Variants in CACNA1D observed in about 807,000 individuals in gnomAD.
CACNA1D encodes the protein calcium voltage-gated channel subunit alpha1 D.
A neutral mutation model predicts 257.1 loss-of-function variants in CACNA1D; 55 were observed. The ratio of observed to expected loss-of-function variants is 0.21; its 90% CI spans 0.17 to 0.27. CACNA1D has a LOEUF of 0.27. Ranked by LOEUF, CACNA1D falls within the 10% of genes least tolerant of loss-of-function variation. The probability of loss-of-function intolerance (pLI) is 1.00; values close to 1 mark genes in which losing one functional copy is unlikely to be tolerated. For missense variants in CACNA1D, 1,876 were observed against 2,784.0 expected, an observed-to-expected ratio of 0.67 and a Z score of 7.34; for synonymous variants, 980 against 1,014.9, an observed-to-expected ratio of 0.97 and a Z score of 0.65.
At position 53,812,430 on chromosome 3, in the gene CACNA1D, T is replaced by TGAG. The variant is rs975463351; in HGVS notation, c.*1025_*1027dup. 6.6e-6 allele frequency: 1 copy of TGAG among 152,240 alleles called. No individual in the cohort carries two copies. The highest frequency in any genetic ancestry group is 2.4e-5 in the African/African-American group (1 of 41,456). 9.4% of individuals were successfully genotyped at this position (152,240 alleles called of 1,614,324 possible). On this transcript the variant is annotated 3_prime_UTR_variant, in exon 48 of 48. Transcript: ENST00000350061. ...CTACAGAAATTTTTCTAAAATATTT[T>TGAG]GAGTCACTATAAACCTATCATCTTT...
chr3:53,754,518 A>T (rs867599477), intron 29 of CACNA1D, among the ~76,000 whole-genome samples: 1 of 152,240 alleles, frequency 6.6e-6, no homozygotes, highest in Non-Finnish European at 1.5e-5. Context: ...AAGAGTTCCC[A>T]TATACGCACT....
At chr3:53,757,121 G>A (rs547338326) in intron 29 of CACNA1D, among the ~76,000 whole-genome samples, 8 of 152,260 alleles carry the variant, frequency 5.3e-5, no homozygotes, top group African/African-American at 1.9e-4. Flanking sequence ...GCCTTCAAGG[G>A]CTCTGTTCGC....
intron 9 of CACNA1D, among the ~76,000 whole-genome samples, chr3:53,709,305 G>A (rs1399284723): frequency 2.0e-5 from 3 of 152,166 alleles, no homozygotes; most frequent in African/African-American, 7.2e-5. Flanking sequence ...TGACAGATGG[G>A]GAAACTAAAG....
At position 53,800,517 on chromosome 3, in the gene CACNA1D, A is replaced by G. The variant is rs2095530995; in HGVS notation, c.5040+152A>G. ...TTTCAGACCACACCCTCCCCCTCTT[A>G]CAGACCCTCCCCAGGCATCAGCACC... On this transcript the variant is annotated intron_variant, in intron 41 of 47. Transcript: ENST00000350061. The surrounding 1 kb of genome is among the most constrained non-coding windows in gnomAD (Gnocchi z 4.3). 1 of 736,136 alleles carries G rather than the reference A, an allele frequency of 1.4e-6. No homozygotes were observed. The allele number at this position is 736,136 out of a possible 1,614,324, so 45.6% of individuals were successfully genotyped here.
chr3:53,810,750 T>A, intron 47 of CACNA1D, among the ~76,000 whole-genome samples: 1 of 91,480 alleles, frequency 1.1e-5, no homozygotes, highest in Non-Finnish European at 1.9e-5. Context: ...AGAGCGAGAC[T>A]CTTGTCTCAA....
chr3:53,674,004 A>C (rs570628255), intron 8 of CACNA1D: 1 of 668,660 alleles, frequency 1.5e-6, no homozygotes, highest in African/African-American at 1.8e-5. Flanking sequence ...CGTGTTTCCA[A>C]TGCTTGCCAA....
chr3:53,629,234 G>A (rs556680881), intron 3 of CACNA1D, among the ~76,000 whole-genome samples: 9 of 152,340 alleles, frequency 5.9e-5, no homozygotes, highest in Admixed American at 2.0e-4. Flanking sequence ...CAAGTTTCGA[G>A]TTGTCACCGA....
chr3:53,809,895 C>G, intron 46 of CACNA1D, 83 bp from the exon 47 acceptor site: 1 of 1,315,194 alleles, frequency 7.6e-7, no homozygotes, highest in Non-Finnish European at 1.1e-6. Context: ...GAGCGCAGCG[C>G]CGGTGCTTGG....
At chr3:53,743,374 G>A (rs1428977440) in intron 22 of CACNA1D, among the ~76,000 whole-genome samples, 7 of 152,192 alleles carry the variant, frequency 4.6e-5, no homozygotes, top group African/African-American at 7.2e-5. Context: ...GGTGAAAGAA[G>A]TGTTGACTAG....
chr3:53,641,159 C>T (rs2093945792), intron 3 of CACNA1D, among the ~76,000 whole-genome samples: 1 of 152,138 alleles, frequency 6.6e-6, no homozygotes, highest in Admixed American at 6.5e-5. Flanking sequence ...GGGCACTGTC[C>T]TCGCTGGACC....
At chr3:53,505,253 C>A (rs559089429) in intron 3 of CACNA1D, among the ~76,000 whole-genome samples, 1 of 151,262 alleles carries the variant, frequency 6.6e-6, no homozygotes, top group East Asian at 1.9e-4. Flanking sequence ...GGACTACAGA[C>A]GAGCGCCAAC....
chr3:53,564,384 C>T lies in CACNA1D; in HGVS notation c.483+62664C>T, dbSNP rs147060649. Among the ~76,000 whole-genome samples, 807 of 152,266 alleles carry T rather than the reference C, an allele frequency of 5.3e-3. 11 individuals are homozygous for T. Among genetic ancestry groups the T allele is most frequent in the African/African-American group, 0.019 (774 of 41,546 alleles). On this transcript the variant is annotated intron_variant, in intron 3 of 47. Transcript: ENST00000350061. ...CCATGTTGGCCAGGCTGGTCTCGAACTCCTGACCTCAAGTGATCTGCCCAC... is the reference window on the plus strand; with the variant it reads ...CCATGTTGGCCAGGCTGGTCTCGAATTCCTGACCTCAAGTGATCTGCCCAC...
chr3:53,529,983 G>T (rs1198480126), intron 3 of CACNA1D, among the ~76,000 whole-genome samples: 1 of 152,234 alleles, frequency 6.6e-6, no homozygotes, highest in African/African-American at 2.4e-5. Flanking sequence ...ACCAGCATCT[G>T]TTGAGTTATT....
chr3:53,500,242 CCT>C (rs1318322736), intron 2 of CACNA1D, among the ~76,000 whole-genome samples: 6 of 125,588 alleles, frequency 4.8e-5, no homozygotes, highest in Non-Finnish European at 6.6e-5. Flanking sequence ...TGGCAAAACC[CCT>C]GTCTCTACTA....
rs143610260 is a variant in CACNA1D, at chr3:53,635,786, C to T, written c.484-14993C>T. Among the ~76,000 whole-genome samples, 38 of 152,334 alleles carry T rather than the reference C, an allele frequency of 2.5e-4. No individual in the cohort carries two copies. The East Asian group carries it at 6.6e-3, about 26-fold the overall frequency. ...CATTCTTCCTTCCCGTATAAACTTG[C>T]AACCTGGTTCCACCCATTCTCCTCT... On this transcript the variant is annotated intron_variant, in intron 3 of 47. Transcript: ENST00000350061.
chr3:53,542,020 G>C (rs2092309780), intron 3 of CACNA1D, among the ~76,000 whole-genome samples: 1 of 152,140 alleles, frequency 6.6e-6, no homozygotes, highest in African/African-American at 2.4e-5. Flanking sequence ...GGAGGTGATA[G>C]CTAAAAGATA....
intron 3 of CACNA1D, among the ~76,000 whole-genome samples, chr3:53,527,522 G>A (rs376652487): frequency 6.6e-6 from 1 of 152,178 alleles, no homozygotes; most frequent in African/African-American, 2.4e-5. Flanking sequence ...CAAAGTTATG[G>A]TCAGTAGCAT....
At chr3:53,745,765 T>C in intron 24 of CACNA1D, 34 bp downstream of exon 24, 4 of 1,602,554 alleles carry the variant, frequency 2.5e-6, no homozygotes, top group Non-Finnish European at 3.4e-6. Context: ...AAAACTCAGG[T>C]GGATTTCTTT....
intron 9 of CACNA1D, among the ~76,000 whole-genome samples, chr3:53,716,786 C>T (rs1333068444): frequency 6.6e-6 from 1 of 152,170 alleles, no homozygotes; most frequent in East Asian, 1.9e-4. Context: ...GGCTCCCATG[C>T]AGGCAGGCTC....
Sources: allele counts gnomAD v4.1 joint callset (sites outside exome capture counted in the v4.1 genomes callset), GRCh38; gene constraint gnomAD v4.1.1; non-coding constraint Gnocchi (gnomAD v3.1); transcripts MANE v1.5; gene names NCBI Gene and HGNC (gene_info 2026-07-23, HGNC 2026-07-21).